The following STARD3NL variants were observed in gnomAD, a reference collection of about 807,000 sequenced individuals.
The protein encoded by STARD3NL is STARD3 N-terminal-like protein.
In STARD3NL, 17 loss-of-function variants were observed where a neutral mutation model predicts 30.9. The ratio of observed to expected loss-of-function variants is 0.55; its 90% CI spans 0.38 to 0.82. The LOEUF (loss-of-function observed/expected upper bound fraction) is 0.82, where lower values mean the gene tolerates loss of function less well. STARD3NL is among the 40% of genes least tolerant of loss of function. The pLI is 0.00. For synonymous variants in STARD3NL, 112 were observed against 100.5 expected (o/e 1.11, Z -0.69); for missense variants, 234 against 277.6 (o/e 0.84, Z 1.12).
chr7:38,208,048 C>A (rs762397224), intron 2 of STARD3NL, among the ~76,000 whole-genome samples: 1 of 152,094 alleles, frequency 6.6e-6, no homozygotes, highest in African/African-American at 2.4e-5. Context: ...TTTATTGGAA[C>A]GTGGCCAGGC....
intron 1 of STARD3NL, among the ~76,000 whole-genome samples, chr7:38,197,346 C>T (rs1357811303): frequency 6.6e-6 from 1 of 151,736 alleles, no homozygotes; most frequent in East Asian, 1.9e-4. Flanking sequence ...CTGCCTCAGC[C>T]TCCCGAGTAG....
chr7:38,201,124 A>C (rs1304443463), intron 1 of STARD3NL, among the ~76,000 whole-genome samples: 3 of 152,230 alleles, frequency 2.0e-5, no homozygotes, highest in Admixed American at 2.0e-4. Flanking sequence ...TATAAAGAAA[A>C]AGAAAAGCAA....
At chr7:38,183,607 A>G (rs1019122622) in intron 1 of STARD3NL, among the ~76,000 whole-genome samples, 3 of 152,220 alleles carry the variant, frequency 2.0e-5, no homozygotes, top group African/African-American at 7.2e-5. Context: ...TTCAAAATAT[A>G]TTGGAAAGAA....
intron 2 of STARD3NL, among the ~76,000 whole-genome samples, chr7:38,208,405 T>C (rs78338642): frequency 6.6e-6 from 1 of 152,228 alleles, no homozygotes; most frequent in Non-Finnish European, 1.5e-5. Context: ...AGACCAGTAC[T>C]GTCCAATAGA....
chr7:38,213,421 G>A (rs1361048243), intron 2 of STARD3NL, among the ~76,000 whole-genome samples: 1 of 152,140 alleles, frequency 6.6e-6, no homozygotes, highest in Non-Finnish European at 1.5e-5. Flanking sequence ...ACAAATATGT[G>A]AAATGATACC....
At position 38,215,016 on chromosome 7, in the gene STARD3NL, TCTTA is replaced by T; in HGVS notation, c.304-8_304-5del. 1 of 1,612,592 alleles carries T rather than the reference TCTTA, an allele frequency of 6.2e-7. No homozygotes were observed. The highest frequency in any genetic ancestry group is 8.5e-7 in the Non-Finnish European group (1 of 1,178,904). ...TATTTTTTAAAACATCCCTTTATTT[TCTTA>T]CTTTCAGCTTCTGGCAGTTTTTCGA... On this transcript the variant is annotated splice_polypyrimidine_tract_variant and splice_region_variant and intron_variant, in intron 3 of 8. Transcript: ENST00000009041.
chr7:38,206,582 T>C (rs576382770), intron 1 of STARD3NL, among the ~76,000 whole-genome samples: 7 of 152,344 alleles, frequency 4.6e-5, no homozygotes, highest in South Asian at 2.1e-4. Flanking sequence ...GGACTATATC[T>C]TCTGTAATTA....
intron 2 of STARD3NL, among the ~76,000 whole-genome samples, chr7:38,212,702 C>T (rs1004566732): frequency 1.6e-4 from 25 of 152,000 alleles, no homozygotes; most frequent in African/African-American, 5.5e-4. Context: ...TCATGGAAGG[C>T]GGTGGGAATA....
At chr7:38,229,350 G>A (rs967312144) in intron 8 of STARD3NL, among the ~76,000 whole-genome samples, 4 of 152,234 alleles carry the variant, frequency 2.6e-5, no homozygotes, top group African/African-American at 9.6e-5. Context: ...GTCCACTGCA[G>A]CCCCTCACTG....
At chr7:38,198,158 G>A (rs1036663212) in intron 1 of STARD3NL, 2 of 152,264 alleles carry the variant, frequency 1.3e-5, no homozygotes, top group African/African-American at 4.8e-5. Context: ...ACGATAGAGA[G>A]GAAAGAGCCA....
intron 6 of STARD3NL, among the ~76,000 whole-genome samples, chr7:38,219,102 A>G (rs968417255): frequency 2.6e-5 from 4 of 152,244 alleles, no homozygotes; most frequent in Non-Finnish European, 5.9e-5. Flanking sequence ...TGTGAAGTGC[A>G]GTGGCACAAT....
At chr7:38,221,401 C>G (rs1010141863) in intron 7 of STARD3NL, among the ~76,000 whole-genome samples, 2 of 152,120 alleles carry the variant, frequency 1.3e-5, no homozygotes, top group Non-Finnish European at 2.9e-5. Context: ...TACCACTAAT[C>G]TCTTGTAAGA....
At chr7:38,216,209 T>C (rs548429764) in intron 4 of STARD3NL, 6 of 152,356 alleles carry the variant, frequency 3.9e-5, no homozygotes, top group East Asian at 1.9e-4. Context: ...GTTTGACATA[T>C]AGATATTCAG....
rs1290154704 is a variant in STARD3NL, at chr7:38,214,390, G to A, written c.259G>A (p.Glu87Lys). ...NGGIENTLEK[E>K]VMQYDYYSSY... ...AGGCATTGAGAACACATTAGAGAAG[G>A]AGGTGATGCAGTATGACTACTATTC... Residue 87 changes from glutamate to lysine, a missense_variant, in exon 3 of 9, where the codon GAG becomes AAG. Coordinates refer to ENST00000009041, the MANE Select transcript of STARD3NL (RefSeq NM_032016.4). 6.2e-7 allele frequency: 1 copy of A among 1,608,700 alleles called. No homozygotes were observed. Among genetic ancestry groups the A allele is most frequent in the Non-Finnish European group, 8.5e-7 (1 of 1,176,274 alleles).
chr7:38,228,373 C>A (rs1786903515), intron 7 of STARD3NL, among the ~76,000 whole-genome samples: 1 of 152,308 alleles, frequency 6.6e-6, no homozygotes, highest in Middle Eastern at 3.4e-3. Context: ...GTGGTCACTG[C>A]CACAGTGCTC....
At chr7:38,213,232 G>T (rs1205807673) in intron 2 of STARD3NL, among the ~76,000 whole-genome samples, 3 of 152,102 alleles carry the variant, frequency 2.0e-5, no homozygotes, top group Non-Finnish European at 4.4e-5. Flanking sequence ...ATGGTTGGGT[G>T]TCTTTCAATC....
chr7:38,196,353 G>T (rs942013076), intron 1 of STARD3NL, among the ~76,000 whole-genome samples: 1 of 152,086 alleles, frequency 6.6e-6, no homozygotes, highest in Admixed American at 6.6e-5. Flanking sequence ...TTGAGCATGT[G>T]CCTGTCAGCT....
At chr7:38,220,839 C>A (rs553672191) in intron 7 of STARD3NL, among the ~76,000 whole-genome samples, 2 of 152,198 alleles carry the variant, frequency 1.3e-5, no homozygotes, top group African/African-American at 4.8e-5. Flanking sequence ...CACAGTGGCT[C>A]ATGCCTATAA....
chr7:38,228,953 A>G (rs1334821431), intron 8 of STARD3NL, 82 bp downstream of exon 8: 16 of 994,528 alleles, frequency 1.6e-5, no homozygotes, highest in Non-Finnish European at 2.3e-5. Context: ...TAGAATTCAA[A>G]GAATAAGAGT....
Sources: gnomAD v4.1 joint callset for allele counts (sites outside exome capture counted in the v4.1 genomes callset) on GRCh38, gnomAD v4.1.1 for gene constraint, MANE v1.5 for transcripts, NCBI Gene and HGNC (gene_info 2026-07-23, HGNC 2026-07-21) for gene names.